Variants in FBXW12 observed in about 807,000 individuals in gnomAD.
FBXW12 encodes the protein F-box/WD repeat-containing protein 12.
In FBXW12, 43 loss-of-function variants were observed where a neutral mutation model predicts 55.3. The observed-to-expected ratio is 0.78, with a 90% CI of 0.61 to 1.00. The LOEUF (loss-of-function observed/expected upper bound fraction) is 1.00. Ranked by LOEUF, FBXW12 falls within the 50% of genes least tolerant of loss-of-function variation. The pLI is 0.00. For synonymous variants in FBXW12, 184 were observed against 203.8 expected (o/e 0.90, Z 0.83); for missense variants, 524 against 560.5 (o/e 0.93, Z 0.66).
chr3:48,383,712 T>C (rs2036809292), intron 10 of FBXW12, among the ~76,000 whole-genome samples: 1 of 152,198 alleles, frequency 6.6e-6, no homozygotes, highest in Admixed American at 6.5e-5. Context: ...GTTTTACATT[T>C]AGGTCTCTGA....
Position 48,381,730 on chromosome 3 carries a change from C to G in FBXW12, c.1016C>G (p.Ala339Gly). Residue 339 changes from alanine to glycine, a missense_variant, in exon 9 of 11, where the codon GCT becomes GGT. By Grantham distance (60) the Ala-to-Gly change is moderately conservative. Transcript: ENST00000296438. ...AYEIASFQVA[A>G]HLKCPIWMGA... Reference sequence around the variant, plus strand: ...GAGATCGCAAGTTTCCAGGTGGCAGCTCATCTGAAGTGCCCTATCTGGATG... The same window carrying G: ...GAGATCGCAAGTTTCCAGGTGGCAGGTCATCTGAAGTGCCCTATCTGGATG... 1 of 1,591,518 alleles carries G rather than the reference C, an allele frequency of 6.3e-7. No individual in the cohort carries two copies. The highest frequency in any genetic ancestry group is 8.6e-7 in the Non-Finnish European group (1 of 1,168,808).
intron 1 of FBXW12, 26 bp from the exon 2 acceptor site, chr3:48,372,658 T>C: frequency 6.3e-7 from 1 of 1,597,054 alleles, no homozygotes; most frequent in Non-Finnish European, 8.6e-7. Context: ...CGCACACAGA[T>C]GGGCATGGGT....
chr3:48,377,835 T>C (rs1293338879), intron 5 of FBXW12, among the ~76,000 whole-genome samples: 1 of 152,130 alleles, frequency 6.6e-6, no homozygotes, highest in African/African-American at 2.4e-5. Context: ...TACTTTACAA[T>C]TTTTTTAAAG....
chr3:48,378,033 T>C (rs2036709373), intron 5 of FBXW12, among the ~76,000 whole-genome samples: 1 of 152,206 alleles, frequency 6.6e-6, no homozygotes, highest in South Asian at 2.1e-4. Context: ...AGTGACTTGC[T>C]GAAGGCTGCA....
In FBXW12 at chr3:48,381,683, G is replaced by C; in HGVS notation, c.986-17G>C. Reference sequence around the variant, plus strand: ...TATGTGTGTGTGTATATATATGTGCGTTTTACATGAAAACAGCATATGAGA... The same window carrying C: ...TATGTGTGTGTGTATATATATGTGCCTTTTACATGAAAACAGCATATGAGA... On this transcript the variant is annotated splice_polypyrimidine_tract_variant and intron_variant, in intron 8 of 10. Transcript: ENST00000296438. 6.5e-7 allele frequency: 1 copy of C among 1,540,574 alleles called. No homozygotes were observed. The highest frequency in any genetic ancestry group is 8.8e-7 in the Non-Finnish European group (1 of 1,142,166).
intron 6 of FBXW12, among the ~76,000 whole-genome samples, chr3:48,379,067 G>T (rs2036726950): frequency 6.6e-6 from 1 of 152,154 alleles, no homozygotes; most frequent in Non-Finnish European, 1.5e-5. Flanking sequence ...CTTTATATGT[G>T]CCTTTTCTTT....
At chr3:48,375,304 G>T (rs1258842665) in intron 4 of FBXW12, 50 bp from the exon 5 acceptor site, 3 of 1,067,270 alleles carry the variant, frequency 2.8e-6, no homozygotes, top group South Asian at 1.3e-5. Context: ...CTTTTGGTTT[G>T]GATCATCCCT....
intron 8 of FBXW12, 114 bp downstream of exon 8, chr3:48,381,026 T>A: frequency 1.4e-6 from 1 of 739,200 alleles, no homozygotes; most frequent in Non-Finnish European, 2.1e-6. Flanking sequence ...TTTCTAGTTT[T>A]TTTTTTTTTT....
In FBXW12 at chr3:48,372,670, A is replaced by G; in HGVS notation, c.-84-14A>G. ...TACCGCACACAGATGGGCATGGGTG[A>G]AAATCTTTACAAGTGCTGCAGACTT... On this transcript the variant is annotated splice_polypyrimidine_tract_variant and intron_variant, in intron 1 of 10. Coordinates refer to ENST00000296438, the MANE Select transcript of FBXW12 (RefSeq NM_207102.2). The G allele has an allele frequency of 1.1e-5, 17 of 1,605,794 alleles. No homozygotes were observed. Among genetic ancestry groups the G allele is most frequent in the Non-Finnish European group, 1.4e-5 (17 of 1,174,256 alleles).
At chr3:48,374,013 G>A (rs1362515116) in intron 4 of FBXW12, among the ~76,000 whole-genome samples, 2 of 151,918 alleles carry the variant, frequency 1.3e-5, no homozygotes, top group Admixed American at 1.3e-4. Flanking sequence ...AAAATTAATG[G>A]GAAACTCTAA....
chr3:48,378,705 G>T (rs1353467662), intron 6 of FBXW12, among the ~76,000 whole-genome samples, 179 bp downstream of exon 6: 1 of 148,384 alleles, frequency 6.7e-6, no homozygotes, highest in East Asian at 2.0e-4. Context: ...ACCTCTGCCT[G>T]CTGGGTTCAA....
At chr3:48,392,519 G>A (rs1396472986) in intron 10 of FBXW12, among the ~76,000 whole-genome samples, 1 of 147,458 alleles carries the variant, frequency 6.8e-6, no homozygotes, top group Non-Finnish European at 1.5e-5. Flanking sequence ...GTTTTGTGAT[G>A]TATTTTTAAA....
intron 8 of FBXW12, among the ~76,000 whole-genome samples, chr3:48,381,115 T>C (rs1014958460): frequency 6.7e-6 from 1 of 149,706 alleles, no homozygotes; most frequent in Admixed American, 6.7e-5. Flanking sequence ...CTCCACCTCC[T>C]GGGTTCACGA....
At chr3:48,380,609 T>G in intron 7 of FBXW12, 93 bp from the exon 8 acceptor site, 377 of 898,842 alleles carry the variant, frequency 4.2e-4, no homozygotes, top group Non-Finnish European at 6.2e-4. Flanking sequence ...GGCCACAAGA[T>G]GAGAATTTCT....
intron 10 of FBXW12, among the ~76,000 whole-genome samples, chr3:48,384,207 T>C (rs1250367548): frequency 6.6e-6 from 1 of 152,216 alleles, no homozygotes; most frequent in African/African-American, 2.4e-5. Flanking sequence ...TTTTAGGCCA[T>C]CTTTATTTTA....
intron 10 of FBXW12, among the ~76,000 whole-genome samples, chr3:48,383,224 A>G (rs2036802974): frequency 1.3e-5 from 2 of 152,200 alleles, no homozygotes; most frequent in Non-Finnish European, 2.9e-5. Flanking sequence ...GCCTACACCA[A>G]TCATAAATAC....
At chr3:48,390,945 T>C (rs1476017026) in intron 10 of FBXW12, among the ~76,000 whole-genome samples, 1 of 151,922 alleles carries the variant, frequency 6.6e-6, no homozygotes, top group African/African-American at 2.4e-5. Flanking sequence ...CCGGAGCATT[T>C]TGGCAGAGTC....
At chr3:48,378,575 G>T (rs2107158219) in intron 6 of FBXW12, 49 bp downstream of exon 6, 12 of 1,351,436 alleles carry the variant, frequency 8.9e-6, no homozygotes, top group African/African-American at 1.4e-5. Flanking sequence ...AATGCCTGTT[G>T]TCTTGTCAGG....
intron 5 of FBXW12, among the ~76,000 whole-genome samples, chr3:48,376,779 C>G (rs982139563): frequency 6.6e-6 from 1 of 152,170 alleles, no homozygotes; most frequent in African/African-American, 2.4e-5. Context: ...AGAGTAGAAC[C>G]AAGAGTCATT....
Sources: gnomAD v4.1 joint callset for allele counts (sites outside exome capture counted in the v4.1 genomes callset) on GRCh38, gnomAD v4.1.1 for gene constraint, MANE v1.5 for transcripts, NCBI Gene and HGNC (gene_info 2026-07-23, HGNC 2026-07-21) for gene names.